COMMD10: variants seen among roughly 807,000 people sequenced by gnomAD.
COMMD10 encodes the protein COMM domain-containing protein 10.
Under a neutral mutation model 28.9 loss-of-function variants are expected in COMMD10, and 33 were observed. That is an observed-to-expected ratio of 1.14 (90% CI 0.87 to 1.53). The LOEUF is 1.53. COMMD10 is among the 40% of genes most tolerant of loss of function. The probability of loss-of-function intolerance (pLI) is 0.00; values close to 1 mark genes in which losing one functional copy is unlikely to be tolerated. For missense variants in COMMD10, 310 were observed against 233.4 expected (o/e 1.33, Z -2.14); for synonymous variants, 110 against 81.7 (o/e 1.35, Z -1.87).
intron 4 of COMMD10, among the ~76,000 whole-genome samples, chr5:116,107,076 G>A (rs964813480): frequency 2.0e-5 from 3 of 151,732 alleles, no homozygotes; most frequent in African/African-American, 7.3e-5. Flanking sequence ...TCTGCTGTGG[G>A]TAACCTGACC....
chr5:116,154,686 GT>G (rs112348416), intron 5 of COMMD10, among the ~76,000 whole-genome samples: 8,800 of 152,144 alleles, frequency 0.058, 376 homozygotes, highest in African/African-American at 0.13. Context: ...TCATCACACA[GT>G]TTTCCTTAAT....
At chr5:116,142,861 C>G (rs1369205761) in intron 5 of COMMD10, among the ~76,000 whole-genome samples, 1 of 151,534 alleles carries the variant, frequency 6.6e-6, no homozygotes, top group Admixed American at 6.6e-5. Flanking sequence ...TAGATAATTG[C>G]CAAGATACTT....
intron 5 of COMMD10, among the ~76,000 whole-genome samples, chr5:116,244,821 G>A (rs1057370165): frequency 2.6e-5 from 4 of 151,878 alleles, no homozygotes; most frequent in South Asian, 4.1e-4. Context: ...TATGGAATCC[G>A]ACTAAGGCAG....
intron 5 of COMMD10, among the ~76,000 whole-genome samples, chr5:116,237,887 A>G (rs1749715187): frequency 6.6e-6 from 1 of 152,216 alleles, no homozygotes; most frequent in Non-Finnish European, 1.5e-5. Flanking sequence ...ACTTTGGGAA[A>G]GATTTTAAAT....
chr5:116,288,834 C>T (rs867521425), intron 5 of COMMD10, among the ~76,000 whole-genome samples: 7 of 138,672 alleles, frequency 5.0e-5, no homozygotes, highest in Admixed American at 7.1e-5. Flanking sequence ...GTTCATGTAT[C>T]ATTTTCCTGA....
chr5:116,161,212 C>T (rs1186802400), intron 5 of COMMD10, among the ~76,000 whole-genome samples: 3 of 152,034 alleles, frequency 2.0e-5, no homozygotes, highest in East Asian at 1.9e-4. Flanking sequence ...TTCAGCAAAC[C>T]TGGTTTAAAT....
intron 6 of COMMD10, among the ~76,000 whole-genome samples, chr5:116,292,048 G>A (rs964593727): frequency 6.6e-6 from 1 of 151,586 alleles, no homozygotes; most frequent in Admixed American, 6.6e-5. Context: ...TCTTCTGCCA[G>A]TGTACTGCCA....
At chr5:116,193,723 G>A (rs957409183) in intron 5 of COMMD10, among the ~76,000 whole-genome samples, 5 of 152,096 alleles carry the variant, frequency 3.3e-5, no homozygotes, top group Non-Finnish European at 5.9e-5. Context: ...GATAATAGTG[G>A]AGGACTTCAG....
At chr5:116,089,742 A>C (rs1014896540) in intron 2 of COMMD10, among the ~76,000 whole-genome samples, 1 of 152,224 alleles carries the variant, frequency 6.6e-6, no homozygotes, top group African/African-American at 2.4e-5. Flanking sequence ...TCCTGCTGGC[A>C]TTTAATGTCC....
At chr5:116,261,575 T>C (rs1220789369) in intron 5 of COMMD10, among the ~76,000 whole-genome samples, 4 of 151,856 alleles carry the variant, frequency 2.6e-5, no homozygotes, top group Non-Finnish European at 5.9e-5. Flanking sequence ...GTGCACTTAC[T>C]TGACATCTTT....
In COMMD10 at chr5:116,198,425, C is replaced by A; in HGVS notation, c.510+64247C>A. ...AAAACTGATAGGAAGGTATAGAGAT[C>A]CCCCGTATATTCCCTTCCCCTATGC... is the stretch of plus-strand genomic sequence containing the variant. On this transcript the variant is annotated intron_variant, in intron 5 of 6. Coordinates refer to ENST00000274458, the MANE Select transcript of COMMD10 (RefSeq NM_016144.4). Among the ~76,000 whole-genome samples, 2 of 152,048 alleles carry A rather than the reference C, an allele frequency of 1.3e-5. 1 individual carries two copies. The highest frequency in any genetic ancestry group is 2.9e-5 in the Non-Finnish European group (2 of 67,976).
intron 5 of COMMD10, among the ~76,000 whole-genome samples, chr5:116,172,059 G>T (rs1365711539): frequency 6.6e-6 from 1 of 152,120 alleles, no homozygotes; most frequent in African/African-American, 2.4e-5. Flanking sequence ...ATTTTGCTTA[G>T]TGGTATGTCC....
intron 4 of COMMD10, among the ~76,000 whole-genome samples, chr5:116,096,747 C>T (rs990480932): frequency 6.6e-6 from 1 of 151,956 alleles, no homozygotes; most frequent in African/African-American, 2.4e-5. Context: ...TTCTCTACTT[C>T]CCTTTTTAAA....
Position 116,209,456 on chromosome 5 carries a change from A to G in COMMD10, c.510+75278A>G, listed in dbSNP as rs115075559. On this transcript the variant is annotated intron_variant, in intron 5 of 6. Transcript: ENST00000274458. Reference sequence around the variant, plus strand: ...CAACCAAAAGCTTAGAATATTCTGTATGACTTTTAGTTCTAAAGTACCTTG... The same window carrying G: ...CAACCAAAAGCTTAGAATATTCTGTGTGACTTTTAGTTCTAAAGTACCTTG... 3.0e-3 allele frequency among the ~76,000 whole-genome samples: 452 copies of G among 152,292 alleles called. 3 individuals are homozygous for G. Among genetic ancestry groups the G allele is most frequent in the African/African-American group, 0.01 (434 of 41,564 alleles).
chr5:116,218,092 G>T (rs1329371136), intron 5 of COMMD10: 5 of 1,305,986 alleles, frequency 3.8e-6, no homozygotes, highest in African/African-American at 2.9e-5. Flanking sequence ...TTTCTGCAGG[G>T]TTATTCCCCT....
intron 5 of COMMD10, among the ~76,000 whole-genome samples, chr5:116,142,675 A>C (rs1031450069): frequency 6.6e-6 from 1 of 151,698 alleles, no homozygotes. Context: ...AGGCCAGTAA[A>C]AAGCCCAGAT....
In COMMD10 at chr5:116,292,500, G is replaced by T; in HGVS notation, c.*11G>T. ...GATTCCCTTACATGATGTTTTCGAAGACTGTTTTTTTCATCACGCTCCTGC... is the reference window on the plus strand; with the variant it reads ...GATTCCCTTACATGATGTTTTCGAATACTGTTTTTTTCATCACGCTCCTGC... On this transcript the variant is annotated 3_prime_UTR_variant, in exon 7 of 7. Coordinates refer to ENST00000274458, the MANE Select transcript of COMMD10 (RefSeq NM_016144.4). The T allele has an allele frequency of 1.3e-6, 2 of 1,579,252 alleles. No individual in the cohort carries two copies. The highest frequency in any genetic ancestry group is 1.2e-5 in the South Asian group (1 of 86,558).
At chr5:116,228,782 G>C (rs772590250) in intron 5 of COMMD10, among the ~76,000 whole-genome samples, 12 of 151,854 alleles carry the variant, frequency 7.9e-5, no homozygotes, top group Non-Finnish European at 1.8e-4. Context: ...TTAGTTTTAT[G>C]TCATAACTTA....
intron 5 of COMMD10, among the ~76,000 whole-genome samples, chr5:116,220,388 G>T (rs1749219510): frequency 6.6e-6 from 1 of 150,968 alleles, no homozygotes; most frequent in African/African-American, 2.4e-5. Context: ...TGACTGAGAG[G>T]TGATCATGTT....
Sources: allele counts gnomAD v4.1 joint callset (sites outside exome capture counted in the v4.1 genomes callset), GRCh38; gene constraint gnomAD v4.1.1; transcripts MANE v1.5; gene names NCBI Gene and HGNC (gene_info 2026-07-23, HGNC 2026-07-21).